Variants in NAALADL2 observed in about 807,000 individuals in gnomAD.
The protein encoded by NAALADL2 is inactive N-acetylated-alpha-linked acidic dipeptidase-like protein 2.
NAALADL2 carries 76 observed loss-of-function variants against 87.2 expected under a neutral mutation model. That is an observed-to-expected ratio of 0.87 (90% confidence interval 0.72 to 1.05). The LOEUF (loss-of-function observed/expected upper bound fraction) is 1.05, where lower values mean the gene tolerates loss of function less well. Ranked by LOEUF, NAALADL2 falls within the 50% of genes least tolerant of loss-of-function variation. NAALADL2 has a pLI of 0.00. For missense variants in NAALADL2, 1,089 were observed against 945.8 expected, an observed-to-expected ratio of 1.15 and a Z score of -1.99; for synonymous variants, 354 against 331.0, an observed-to-expected ratio of 1.07 and a Z score of -0.75.
intron 2 of NAALADL2, among the ~76,000 whole-genome samples, chr3:174,621,795 G>A (rs936197543): frequency 6.6e-6 from 1 of 152,014 alleles, no homozygotes; most frequent in African/African-American, 2.4e-5. Flanking sequence ...AAGTATAATG[G>A]GTCACGTTTG....
chr3:175,323,497 A>G (rs541232778), intron 4 of NAALADL2, among the ~76,000 whole-genome samples: 1 of 152,110 alleles, frequency 6.6e-6, no homozygotes, highest in Non-Finnish European at 1.5e-5. Flanking sequence ...ATAATAATAA[A>G]AAAAAGAACC....
intron 9 of NAALADL2, among the ~76,000 whole-genome samples, chr3:175,541,869 T>C (rs1275392832): frequency 6.6e-6 from 1 of 152,136 alleles, no homozygotes; most frequent in East Asian, 1.9e-4. Context: ...TACAGGTGTG[T>C]GACACCACGC....
At chr3:174,785,650 C>T (rs1012540667) in intron 3 of NAALADL2, among the ~76,000 whole-genome samples, 5 of 152,134 alleles carry the variant, frequency 3.3e-5, no homozygotes, top group East Asian at 3.9e-4. Flanking sequence ...GACTATTACA[C>T]GTGATGTTGT....
At position 175,698,364 on chromosome 3, in the gene NAALADL2, TATATGTATGTGTATTTATGTATGTATAC is replaced by T. The variant is rs1352179258; in HGVS notation, c.1897-38899_1897-38872del. Among the ~76,000 whole-genome samples the T allele has an allele frequency of 3.6e-3, 185 of 51,072 alleles. 19 individuals are homozygous for T. Among genetic ancestry groups the T allele is most frequent in the Non-Finnish European group, 5.6e-3 (150 of 26,590 alleles). The allele number at this position is 51,072 out of a possible 152,430, so 33.5% of individuals were successfully genotyped here. A position where few individuals can be genotyped will look rare whatever the true frequency, so the allele number is the denominator to read the frequency against. ...ATGTATGTGTATTTATGTATGTGTATATATGTATGTGTATTTATGTATGTATACATATGTATGTGTATTTATGTATGTA... is the reference window on the plus strand; with the variant it reads ...ATGTATGTGTATTTATGTATGTGTATATATGTATGTGTATTTATGTATGTA... On this transcript the variant is annotated intron_variant, in intron 11 of 13. Transcript: ENST00000454872.
At chr3:175,359,810 T>C (rs1764778358) in intron 5 of NAALADL2, among the ~76,000 whole-genome samples, 1 of 152,072 alleles carries the variant, frequency 6.6e-6, no homozygotes, top group Admixed American at 6.6e-5. Flanking sequence ...TAGATGTACA[T>C]AGTTAAGAAA....
chr3:174,635,513 T>A (rs912511860), intron 2 of NAALADL2, among the ~76,000 whole-genome samples: 1 of 151,794 alleles, frequency 6.6e-6, no homozygotes, highest in African/African-American at 2.4e-5. Flanking sequence ...GTGGTTTTTT[T>A]TTTTTTTGAG....
intron 2 of NAALADL2, among the ~76,000 whole-genome samples, chr3:175,195,235 C>T (rs1375592559): frequency 1.3e-5 from 2 of 151,688 alleles, no homozygotes; most frequent in African/African-American, 4.8e-5. Context: ...CTACTGTGTG[C>T]CAGGTATTGC....
intron 11 of NAALADL2, among the ~76,000 whole-genome samples, chr3:175,646,431 T>A (rs1475142903): frequency 6.6e-6 from 1 of 152,112 alleles, no homozygotes; most frequent in African/African-American, 2.4e-5. Context: ...ATGTGGATGG[T>A]TTTTCCAAAT....
intron 1 of NAALADL2, among the ~76,000 whole-genome samples, chr3:174,543,851 T>G: frequency 6.6e-6 from 1 of 151,762 alleles, no homozygotes; most frequent in East Asian, 1.9e-4. Context: ...CTACTAAAAA[T>G]ATAAAAATGT....
intron 1 of NAALADL2, among the ~76,000 whole-genome samples, chr3:174,518,122 T>C (rs573336067): frequency 1.1e-4 from 17 of 152,242 alleles, no homozygotes; most frequent in African/African-American, 3.8e-4. Flanking sequence ...ATTTTTACTA[T>C]GTGGGAATGA....
At chr3:174,712,113 C>CT (rs954560713) in intron 2 of NAALADL2, among the ~76,000 whole-genome samples, 9 of 152,128 alleles carry the variant, frequency 5.9e-5, no homozygotes, top group African/African-American at 2.2e-4. Context: ...TTTTGCAGAT[C>CT]TGATTGACTT....
chr3:175,410,878 G>T (rs1047427789), intron 5 of NAALADL2, among the ~76,000 whole-genome samples: 3 of 152,062 alleles, frequency 2.0e-5, no homozygotes, highest in Admixed American at 6.5e-5. Context: ...CCTCTTTTTT[G>T]CAAAGAGTAA....
intron 2 of NAALADL2, among the ~76,000 whole-genome samples, chr3:175,098,014 A>G (rs1237684747): frequency 6.6e-6 from 1 of 152,050 alleles, no homozygotes; most frequent in Non-Finnish European, 1.5e-5. Context: ...ATTTCCGGGA[A>G]TTTTCTCAGG....
intron 1 of NAALADL2, among the ~76,000 whole-genome samples, chr3:175,006,443 GA>G (rs1251417173): frequency 6.6e-6 from 1 of 152,082 alleles, no homozygotes; most frequent in Non-Finnish European, 1.5e-5. Context: ...TGATTCATTT[GA>G]TTGGAACATT....
intron 11 of NAALADL2, among the ~76,000 whole-genome samples, chr3:175,667,017 A>G (rs1733098557): frequency 6.6e-6 from 1 of 151,812 alleles, no homozygotes. Flanking sequence ...GGTGTGGTAA[A>G]TATCCTAAGT....
At chr3:175,439,583 A>G (rs1029660647) in intron 5 of NAALADL2, among the ~76,000 whole-genome samples, 1 of 151,788 alleles carries the variant, frequency 6.6e-6, no homozygotes, top group Non-Finnish European at 1.5e-5. Flanking sequence ...TTGCAGTTCC[A>G]TTATCATTAG....
chr3:174,861,438 G>A (rs56376569), intron 1 of NAALADL2, among the ~76,000 whole-genome samples: 26,939 of 151,918 alleles, frequency 0.18, 3,151 homozygotes, highest in African/African-American at 0.32. Context: ...TGAATGAAAA[G>A]TTATTTTCTA....
intron 9 of NAALADL2, among the ~76,000 whole-genome samples, chr3:175,506,951 C>T (rs1307407800): frequency 6.6e-6 from 1 of 152,240 alleles, no homozygotes. Flanking sequence ...ACATGTCAGC[C>T]AGCTCTGTCA....
chr3:174,579,783 A>G (rs554423381), intron 2 of NAALADL2, among the ~76,000 whole-genome samples: 1 of 152,166 alleles, frequency 6.6e-6, no homozygotes, highest in East Asian at 1.9e-4. Context: ...ATTGCTACAG[A>G]ATTGTCACAG....
Sources: allele counts gnomAD v4.1 joint callset (sites outside exome capture counted in the v4.1 genomes callset), GRCh38; gene constraint gnomAD v4.1.1; transcripts MANE v1.5; gene names NCBI Gene and HGNC (gene_info 2026-07-23, HGNC 2026-07-21).